Variants in GPHN observed in about 807,000 individuals in gnomAD.
GPHN encodes the protein gephyrin.
In GPHN, 17 loss-of-function variants were observed where a neutral mutation model predicts 95.5. The ratio of observed to expected loss-of-function variants is 0.18; its 90% CI spans 0.12 to 0.27. The LOEUF (loss-of-function observed/expected upper bound fraction) is 0.27. GPHN is among the 10% of genes least tolerant of loss of function. GPHN has a pLI of 1.00. For synonymous variants in GPHN, 320 were observed against 322.5 expected, an observed-to-expected ratio of 0.99 and a Z score of 0.08; for missense variants, 660 against 978.1, an observed-to-expected ratio of 0.67 and a Z score of 4.34.
At chr14:67,529,266 T>G in the GPHN span, among the ~76,000 whole-genome samples, 1 of 152,154 alleles carries the variant, frequency 6.6e-6, no homozygotes, top group Non-Finnish European at 1.5e-5. Flanking sequence ...ACAGGTATAC[T>G]GAACAGATTA....
intron 3 of GPHN, among the ~76,000 whole-genome samples, chr14:66,789,311 C>T (rs984144752): frequency 2.6e-5 from 4 of 152,220 alleles, no homozygotes; most frequent in African/African-American, 9.6e-5. Context: ...ACTTTCCTTA[C>T]ACTTTGCATG....
chr14:66,919,235 C>T (rs534209915), intron 6 of GPHN, among the ~76,000 whole-genome samples: 112 of 152,226 alleles, frequency 7.4e-4, no homozygotes, highest in African/African-American at 2.6e-3. Context: ...GTTCTACTGC[C>T]CTGCTCTAAC....
intron 4 of GPHN, among the ~76,000 whole-genome samples, chr14:66,869,195 T>C (rs1457726570): frequency 6.6e-6 from 1 of 152,206 alleles, no homozygotes; most frequent in African/African-American, 2.4e-5. Context: ...TGGCATCTTT[T>C]TGCCATTGAT....
At chr14:67,679,057 T>C in the GPHN span, among the ~76,000 whole-genome samples, 1 of 152,174 alleles carries the variant, frequency 6.6e-6, no homozygotes, top group Non-Finnish European at 1.5e-5. Flanking sequence ...AACTGGCTTA[T>C]GATTATGGAA....
the GPHN span, among the ~76,000 whole-genome samples, chr14:67,623,117 C>G: frequency 2.0e-5 from 3 of 152,138 alleles, no homozygotes; most frequent in African/African-American, 7.2e-5. Flanking sequence ...GTGTAGCTGA[C>G]TGGTAGCTCA....
chr14:67,603,184 C>G, the GPHN span, among the ~76,000 whole-genome samples: 5 of 152,274 alleles, frequency 3.3e-5, 1 homozygote, highest in South Asian at 1.0e-3. Flanking sequence ...ATCCTCCCAC[C>G]TCAGCCCCTC....
chr14:67,428,264 A>G, the GPHN span, among the ~76,000 whole-genome samples: 1 of 152,130 alleles, frequency 6.6e-6, no homozygotes, highest in Admixed American at 6.6e-5. Flanking sequence ...CCCCATGGTC[A>G]GCTGGGCACA....
chr14:67,284,905 A>AATTTTT, the GPHN span, among the ~76,000 whole-genome samples: 4 of 152,130 alleles, frequency 2.6e-5, no homozygotes, highest in African/African-American at 4.8e-5. Flanking sequence ...TAGGTTAAAA[A>AATTTTT]ATTTTTATTT....
At chr14:67,025,565 C>T (rs1433103090) in intron 10 of GPHN, among the ~76,000 whole-genome samples, 4 of 152,106 alleles carry the variant, frequency 2.6e-5, no homozygotes, top group African/African-American at 9.7e-5. Flanking sequence ...AAAAAGGAAA[C>T]AAAATTGCAA....
chr14:67,042,024 A>C (rs2074732378), intron 10 of GPHN, among the ~76,000 whole-genome samples: 1 of 151,086 alleles, frequency 6.6e-6, no homozygotes, highest in Non-Finnish European at 1.5e-5. Flanking sequence ...TTCTTTTGAG[A>C]AGTGTCTGTT....
intron 3 of GPHN, among the ~76,000 whole-genome samples, chr14:66,819,742 G>C (rs1415986507): frequency 6.6e-6 from 1 of 151,916 alleles, no homozygotes; most frequent in Non-Finnish European, 1.5e-5. Flanking sequence ...TAAAAAGGCA[G>C]TAAAAAAATA....
chr14:66,545,026 CTT>C (rs968955532), intron 1 of GPHN, among the ~76,000 whole-genome samples: 8 of 152,238 alleles, frequency 5.3e-5, no homozygotes, highest in African/African-American at 1.4e-4. Context: ...ATTTCTCACT[CTT>C]TTCCCCACTT....
At chr14:67,621,548 T>C in the GPHN span, among the ~76,000 whole-genome samples, 1 of 151,982 alleles carries the variant, frequency 6.6e-6, no homozygotes, top group South Asian at 2.1e-4. Context: ...CTCCACCTTC[T>C]GGGTTCAAGC....
At chr14:67,372,038 G>C in the GPHN span, among the ~76,000 whole-genome samples, 1 of 152,112 alleles carries the variant, frequency 6.6e-6, no homozygotes, top group Non-Finnish European at 1.5e-5. Context: ...GCCTAGGTGG[G>C]GGGATCACTT....
intron 2 of GPHN, among the ~76,000 whole-genome samples, chr14:66,740,713 A>G (rs1009715931): frequency 6.6e-6 from 1 of 152,188 alleles, no homozygotes; most frequent in African/African-American, 2.4e-5. Context: ...GTATATTTAA[A>G]TGAAGTGGAT....
the GPHN span, chr14:67,473,228 C>T: frequency 1.4e-6 from 1 of 714,896 alleles, no homozygotes; most frequent in Non-Finnish European, 2.3e-6. The surrounding 1 kb of genome is among the most constrained non-coding windows in gnomAD (Gnocchi z 6.5). Flanking sequence ...GCCTCCACAC[C>T]CCATCCCCCA....
chr14:66,894,287 G>A (rs569936415), intron 5 of GPHN, among the ~76,000 whole-genome samples: 1 of 152,302 alleles, frequency 6.6e-6, no homozygotes, highest in South Asian at 2.1e-4. Context: ...AATAAATGGT[G>A]CTGGGAAAAC....
chr14:67,594,402 A>T, the GPHN span, among the ~76,000 whole-genome samples: 1 of 152,194 alleles, frequency 6.6e-6, no homozygotes, highest in East Asian at 1.9e-4. Flanking sequence ...TACTCCTAGC[A>T]CTTTGGGAGG....
chr14:67,430,482 G>A, the GPHN span, among the ~76,000 whole-genome samples: 2 of 152,320 alleles, frequency 1.3e-5, no homozygotes, highest in South Asian at 2.1e-4. Context: ...GCCTTCCCAC[G>A]TGGGCTCACG....
Sources: gnomAD v4.1 joint callset for allele counts (sites outside exome capture counted in the v4.1 genomes callset) on GRCh38, gnomAD v4.1.1 for gene constraint, Gnocchi (gnomAD v3.1) non-coding constraint, MANE v1.5 for transcripts, NCBI Gene and HGNC (gene_info 2026-07-23, HGNC 2026-07-21) for gene names.